Variants in VPS13D observed in about 807,000 individuals in gnomAD.
The protein encoded by VPS13D is intermembrane lipid transfer protein VPS13D.
Under a neutral mutation model 461.9 loss-of-function variants are expected in VPS13D, and 187 were observed. That is an observed-to-expected ratio of 0.40 (90% CI 0.36 to 0.46). The LOEUF (loss-of-function observed/expected upper bound fraction) is 0.46, where lower values mean the gene tolerates loss of function less well. VPS13D is among the 20% of genes least tolerant of loss of function. The pLI, the probability that VPS13D is intolerant of heterozygous loss-of-function variation, is 0.60. For synonymous variants in VPS13D, 1,951 were observed against 1,986.3 expected (o/e 0.98, Z 0.47); for missense variants, 4,711 against 5,364.9 (o/e 0.88, Z 3.81).
At chr1:12,425,028 T>A (rs1487761545) in intron 65 of VPS13D, among the ~76,000 whole-genome samples, 1 of 152,212 alleles carries the variant, frequency 6.6e-6, no homozygotes, top group African/African-American at 2.4e-5. Context: ...TTTCTGTGAT[T>A]CAGTATTCTT....
At chr1:12,506,052 T>C (rs1165306408) in intron 68 of VPS13D, among the ~76,000 whole-genome samples, 2 of 152,212 alleles carry the variant, frequency 1.3e-5, no homozygotes, top group African/African-American at 4.8e-5. Flanking sequence ...CCACTGTCCA[T>C]CCTTGTCTGC....
intron 67 of VPS13D, among the ~76,000 whole-genome samples, chr1:12,468,942 G>A (rs531391102): frequency 5.5e-4 from 83 of 151,606 alleles, no homozygotes; most frequent in African/African-American, 1.9e-3. Flanking sequence ...GTTGAGGCAA[G>A]AAAATCGCTT....
chr1:12,422,015 G>A (rs1644870887), intron 65 of VPS13D, among the ~76,000 whole-genome samples: 1 of 152,132 alleles, frequency 6.6e-6, no homozygotes, highest in African/African-American at 2.4e-5. Context: ...TTTTAGTAGA[G>A]ATGGGGTTTC....
intron 29 of VPS13D, among the ~76,000 whole-genome samples, chr1:12,313,749 G>C (rs943243848): frequency 4.6e-5 from 7 of 152,198 alleles, no homozygotes; most frequent in Admixed American, 4.6e-4. Flanking sequence ...GAAGCTGACA[G>C]ATGAAGGCCC....
rs1342568041 is a variant in VPS13D at position 12,511,035 on chromosome 1, A to C, written c.*2011A>C. The C allele has an allele frequency of 6.6e-6, 1 of 152,248 alleles. No homozygotes were observed. Among genetic ancestry groups the C allele is most frequent in the Non-Finnish European group, 1.5e-5 (1 of 68,056 alleles). 9.4% of individuals were successfully genotyped at this position (152,248 alleles called of 1,614,324 possible). A position where few individuals can be genotyped will look rare whatever the true frequency, so the allele number is the denominator to read the frequency against. On this transcript the variant is annotated 3_prime_UTR_variant, in exon 70 of 70. Coordinates refer to ENST00000620676, the MANE Select transcript of VPS13D (RefSeq NM_015378.4). The surrounding 1 kb of genome is among the most constrained non-coding windows in gnomAD (Gnocchi z 4.5). ...TGAGATTAAGGAGTTTAGTGTTACT[A>C]AGAAAATCTGCTTTGGGCCGCAGCA...
rs1052330910 is a variant in VPS13D at position 12,433,270 on chromosome 1, AC to A, written c.12333+16444del. On this transcript the variant is annotated intron_variant, in intron 65 of 69. Transcript: ENST00000620676. ...TGGAACGCTTGGGGAAAAAAAAAAA[AC>A]AAAAAAACAAAAAAACAACAACAAA... Among the ~76,000 whole-genome samples, 12 of 150,406 alleles carry A rather than the reference AC, an allele frequency of 8.0e-5. No homozygotes were observed. In the South Asian group the frequency reaches 1.5e-3, roughly 18 times the overall value.
rs189043822 is a variant in VPS13D at position 12,432,671 on chromosome 1, C to T, written c.12333+15844C>T. ...AGTGCAATGGCACCATCTTGTCTCA[C>T]TGCAACCTCTGCTTCTTGGGTTCAG... On this transcript the variant is annotated intron_variant, in intron 65 of 69. Transcript: ENST00000620676. Among the ~76,000 whole-genome samples the T allele has an allele frequency of 7.3e-5, 11 of 151,056 alleles. 1 individual carries two copies. In the East Asian group the frequency reaches 1.9e-3, roughly 27 times the overall value.
Position 12,461,328 on chromosome 1 carries a change from A to AGT in VPS13D, c.12662+934_12662+935dup, listed in dbSNP as rs1557453645. 7.2e-5 allele frequency among the ~76,000 whole-genome samples: 11 copies of AGT among 152,318 alleles called. No homozygotes were observed. In the South Asian group the frequency reaches 2.3e-3, roughly 32 times the overall value. On this transcript the variant is annotated intron_variant, in intron 67 of 69. Transcript: ENST00000620676. Reference sequence around the variant, plus strand: ...GTGAAGTGAAATTGTCCCCAATTGAAGTGAATCCATTTGTCTGTCACCAGG... The same window carrying AGT: ...GTGAAGTGAAATTGTCCCCAATTGAAGTGTGAATCCATTTGTCTGTCACCAGG...
chr1:12,234,936 C>T (rs1290145416), intron 2 of VPS13D, among the ~76,000 whole-genome samples: 1 of 152,184 alleles, frequency 6.6e-6, no homozygotes, highest in Non-Finnish European at 1.5e-5. Context: ...AGTAGAGTAC[C>T]TGAAGCTTCA....
In VPS13D at chr1:12,282,722, T is replaced by C; in HGVS notation, c.4620T>C (p.His1540=). ...CAATACAGGTGGTGTTAGCAAAGCA[T>C]GTATATGAGCAGGTTTTACAAACCC... is the stretch of plus-strand genomic sequence containing the variant. ...VNPVQVVLAK[H]VYEQVLQTLD... The change falls in exon 21 of 70, where the codon CAT becomes CAC. Residue 1540 remains histidine (H), a synonymous_variant. Transcript: ENST00000620676. 1 of 1,606,966 alleles carries C rather than the reference T, an allele frequency of 6.2e-7. No homozygotes were observed.
chr1:12,411,228 A>G (rs1372796383), intron 63 of VPS13D, among the ~76,000 whole-genome samples: 1 of 152,254 alleles, frequency 6.6e-6, no homozygotes, highest in East Asian at 1.9e-4. Flanking sequence ...GTATTTTCAG[A>G]TTAGTTATTA....
intron 67 of VPS13D, among the ~76,000 whole-genome samples, chr1:12,496,764 C>A (rs1268537668): frequency 6.6e-6 from 1 of 152,202 alleles, no homozygotes; most frequent in Non-Finnish European, 1.5e-5. Flanking sequence ...ATCAGCCTAC[C>A]CTGAAAGCCA....
At chr1:12,311,140 T>C (rs1290692914) in intron 27 of VPS13D, among the ~76,000 whole-genome samples, 1 of 152,084 alleles carries the variant, frequency 6.6e-6, no homozygotes, top group Admixed American at 6.6e-5. Flanking sequence ...GGTCTCGAAC[T>C]CCTGGGCTCA....
At chr1:12,467,118 T>C (rs1011454714) in intron 67 of VPS13D, among the ~76,000 whole-genome samples, 3 of 152,168 alleles carry the variant, frequency 2.0e-5, no homozygotes, top group African/African-American at 7.2e-5. Flanking sequence ...TTGATGACAT[T>C]GGATGTCTCA....
chr1:12,329,982 A>G, intron 37 of VPS13D, 64 bp downstream of exon 37: 1 of 719,296 alleles, frequency 1.4e-6, no homozygotes, highest in Non-Finnish European at 2.2e-6. Context: ...GCCTGGACCT[A>G]TTGCTACGTA....
At chr1:12,321,212 ACTC>A (rs1557707610) in intron 32 of VPS13D, among the ~76,000 whole-genome samples, 1 of 151,876 alleles carries the variant, frequency 6.6e-6, no homozygotes, top group African/African-American at 2.4e-5. Flanking sequence ...AATATAATGA[ACTC>A]CATATATACC....
chr1:12,416,599 T>A lies in VPS13D; in HGVS notation c.12166-61T>A, dbSNP rs892248246. ...TTTCTAAGCTCTTCGCTTGGGACAC[T>A]GGTATCTGCAAATATAAGTAGATGC... On this transcript the variant is annotated intron_variant, in intron 64 of 69. Coordinates refer to ENST00000620676, the MANE Select transcript of VPS13D (RefSeq NM_015378.4). 5.9e-6 allele frequency: 9 copies of A among 1,536,596 alleles called. No individual in the cohort carries two copies. The African/African-American group carries it at 1.2e-4, about 21-fold the overall frequency.
intron 50 of VPS13D, among the ~76,000 whole-genome samples, chr1:12,362,483 T>A: frequency 6.6e-6 from 1 of 152,192 alleles, no homozygotes; most frequent in East Asian, 1.9e-4. Context: ...AACTAGGAAT[T>A]AAGGGGATGT....
intron 65 of VPS13D, among the ~76,000 whole-genome samples, chr1:12,423,098 T>C (rs904864534): frequency 6.6e-6 from 1 of 152,158 alleles, no homozygotes; most frequent in Non-Finnish European, 1.5e-5. Flanking sequence ...GTCTTCTTTA[T>C]AGGCAATAAG....
Sources: gnomAD v4.1 joint callset for allele counts (sites outside exome capture counted in the v4.1 genomes callset) on GRCh38, gnomAD v4.1.1 for gene constraint, Gnocchi (gnomAD v3.1) non-coding constraint, MANE v1.5 for transcripts, NCBI Gene and HGNC (gene_info 2026-07-23, HGNC 2026-07-21) for gene names.